PAWR: variants seen among roughly 807,000 people sequenced by gnomAD.
PAWR encodes PRKC apoptosis WT1 regulator protein.
In PAWR, 23 loss-of-function variants were observed where a neutral mutation model predicts 32.0. That is an observed-to-expected ratio of 0.72 (90% CI 0.52 to 1.02). The LOEUF is 1.02. Ranked by LOEUF, PAWR falls within the 50% of genes least tolerant of loss-of-function variation. The pLI, the probability that PAWR is intolerant of heterozygous loss-of-function variation, is 0.00. For missense variants in PAWR, 457 were observed against 437.7 expected (o/e 1.04, Z -0.39); for synonymous variants, 226 against 187.1 (o/e 1.21, Z -1.70).
chr12:79,689,708 T>C, intron 2 of PAWR, 21 bp downstream of exon 2: 2 of 1,535,362 alleles, frequency 1.3e-6, no homozygotes, highest in Non-Finnish European at 1.7e-6. Flanking sequence ...CCGGTCCGGC[T>C]GCGGCCCCCG....
chr12:79,661,465 A>C (rs771696211), intron 2 of PAWR, among the ~76,000 whole-genome samples: 1 of 152,180 alleles, frequency 6.6e-6, no homozygotes, highest in Non-Finnish European at 1.5e-5. Context: ...AGGATACTTA[A>C]GAAATAACAA....
chr12:79,689,355 TGTC>T (rs144149958), intron 2 of PAWR, among the ~76,000 whole-genome samples: 1,820 of 152,280 alleles, frequency 0.012, 45 homozygotes, highest in African/African-American at 0.041. Flanking sequence ...CCCTAGAGAA[TGTC>T]GTCACCATTA....
chr12:79,594,543 T>C (rs1339413201), intron 5 of PAWR, 110 bp from the exon 6 acceptor site: 7 of 609,312 alleles, frequency 1.1e-5, no homozygotes, highest in South Asian at 9.7e-5. Context: ...TACATGAAGA[T>C]TTCCAATGAA....
intron 2 of PAWR, among the ~76,000 whole-genome samples, chr12:79,654,207 CATTTAAG>C (rs940588523): frequency 1.3e-5 from 2 of 152,104 alleles, no homozygotes; most frequent in African/African-American, 4.8e-5. Flanking sequence ...TAAATGACTG[CATTTAAG>C]ATTTAAGTAC....
rs1393853814 is a variant in PAWR, at chr12:79,632,324, T to TAC, written c.517-11118_517-11117insGT. ...ATATATATACATACATATATATATATATATATATATATATATATATATATA... is the reference window on the plus strand; with the variant it reads ...ATATATATACATACATATATATATATACATATATATATATATATATATATATA... On this transcript the variant is annotated intron_variant, in intron 2 of 6. Transcript: ENST00000328827. Among the ~76,000 whole-genome samples, 19 of 26,632 alleles carry TAC rather than the reference T, an allele frequency of 7.1e-4. 1 individual carries two copies. The highest frequency in any genetic ancestry group is 3.1e-3 in the African/African-American group (5 of 1,608). The allele number at this position is 26,632 out of a possible 152,430, so 17.5% of individuals were successfully genotyped here. A position where few individuals can be genotyped will look rare whatever the true frequency, so the allele number is the denominator to read the frequency against.
chr12:79,679,148 C>A (rs1878317508), intron 2 of PAWR, among the ~76,000 whole-genome samples: 2 of 152,176 alleles, frequency 1.3e-5, no homozygotes, highest in South Asian at 4.1e-4. Flanking sequence ...TTATTTATCT[C>A]TTTCCCTGAA....
intron 2 of PAWR, 63 bp downstream of exon 2, chr12:79,689,666 G>A (rs1878871290): frequency 6.6e-7 from 1 of 1,508,408 alleles, no homozygotes; most frequent in Non-Finnish European, 8.8e-7. Flanking sequence ...CTCCCAGGAG[G>A]AAGACACCGG....
intron 2 of PAWR, among the ~76,000 whole-genome samples, chr12:79,675,598 G>C (rs1432458148): frequency 1.3e-5 from 2 of 152,100 alleles, no homozygotes; most frequent in Non-Finnish European, 2.9e-5. Context: ...TATAGATGGA[G>C]CTAGAGGCCA....
intron 2 of PAWR, among the ~76,000 whole-genome samples, chr12:79,679,352 G>C (rs576923804): frequency 1.3e-5 from 2 of 152,262 alleles, no homozygotes; most frequent in East Asian, 3.9e-4. Context: ...TGGAATGAAA[G>C]AAGCTGTCAC....
chr12:79,620,221 TAAG>T (rs1446523423), intron 3 of PAWR, among the ~76,000 whole-genome samples: 1 of 152,080 alleles, frequency 6.6e-6, no homozygotes, highest in African/African-American at 2.4e-5. Context: ...ACTGATAAAA[TAAG>T]AAAATGAAAA....
At chr12:79,655,457 T>G (rs977270458) in intron 2 of PAWR, among the ~76,000 whole-genome samples, 1 of 152,244 alleles carries the variant, frequency 6.6e-6, no homozygotes, top group Non-Finnish European at 1.5e-5. Context: ...TAGAATTCCC[T>G]AGGCACTAGT....
chr12:79,640,519 TCCCTTGAG>T (rs1876269485), intron 2 of PAWR, among the ~76,000 whole-genome samples: 2 of 152,220 alleles, frequency 1.3e-5, no homozygotes, highest in African/African-American at 4.8e-5. Flanking sequence ...GGCAGGCAGA[TCCCTTGAG>T]CTCAGGAGTT....
intron 2 of PAWR, among the ~76,000 whole-genome samples, chr12:79,667,527 A>G (rs2136840378): frequency 6.6e-6 from 1 of 152,350 alleles, no homozygotes; most frequent in Non-Finnish European, 1.5e-5. Context: ...TAATACAGGA[A>G]GAATGTAAAG....
chr12:79,660,941 C>T lies in PAWR; in HGVS notation c.516+28788G>A, dbSNP rs1877319967. Among the ~76,000 whole-genome samples the T allele has an allele frequency of 4.0e-5, 6 of 151,206 alleles. No homozygotes were observed. In the South Asian group the frequency reaches 1.3e-3, roughly 32 times the overall value. ...AGACTACAGAATATAAAGATTAAGT[C>T]CATATAGCTAAGAAAAAAATCTGTC... is the stretch of plus-strand genomic sequence containing the variant. On this transcript the variant is annotated intron_variant, in intron 2 of 6. Transcript: ENST00000328827.
chr12:79,666,472 G>A (rs1055629870), intron 2 of PAWR, among the ~76,000 whole-genome samples: 6 of 152,096 alleles, frequency 3.9e-5, no homozygotes, highest in South Asian at 2.1e-4. Flanking sequence ...CAGAGGATCC[G>A]CAAGGTCAAA....
chr12:79,684,135 T>G (rs1878572733), intron 2 of PAWR, among the ~76,000 whole-genome samples: 1 of 152,144 alleles, frequency 6.6e-6, no homozygotes, highest in South Asian at 2.1e-4. Flanking sequence ...GGGTAAATTT[T>G]ATTGTATGTG....
rs1874981566 is a variant in PAWR at position 79,621,083 on chromosome 12, A to G, written c.641T>C (p.Leu214Pro). 1.3e-6 allele frequency: 2 copies of G among 1,596,186 alleles called. No individual in the cohort carries two copies. The highest frequency in any genetic ancestry group is 4.5e-5 in the East Asian group (2 of 44,694). ...GTATTTTTAAATACTCACCTGTAGC[A>G]GATAGGAACTGCCTGGATCTAGTAA... ...VNLLDPGSSYLLQEPPRTVSG... is the reference protein window; with the variant it reads ...VNLLDPGSSYPLQEPPRTVSG... Residue 214 changes from leucine to proline, a missense_variant, in exon 3 of 7, where the codon CTG (leucine) becomes CCG (proline). Leu to Pro is a moderately conservative substitution (Grantham distance 98). Coordinates refer to ENST00000328827, the MANE Select transcript of PAWR (RefSeq NM_002583.4).
chr12:79,663,104 C>T (rs575729126), intron 2 of PAWR, among the ~76,000 whole-genome samples: 1 of 152,308 alleles, frequency 6.6e-6, no homozygotes, highest in East Asian at 1.9e-4. Context: ...AATTCATCAA[C>T]TTCATTTTTT....
At chr12:79,594,514 T>G (rs930298156) in intron 5 of PAWR, 81 bp from the exon 6 acceptor site, 13 of 673,510 alleles carry the variant, frequency 1.9e-5, no homozygotes, top group Non-Finnish European at 2.8e-5. Context: ...ATCTCCCCAA[T>G]TTGGTAAAAT....
Sources: allele counts gnomAD v4.1 joint callset (sites outside exome capture counted in the v4.1 genomes callset), GRCh38; gene constraint gnomAD v4.1.1; transcripts MANE v1.5; gene names NCBI Gene and HGNC (gene_info 2026-07-23, HGNC 2026-07-21).